The following ABCA5 variants were observed in gnomAD, a reference collection of about 807,000 sequenced individuals.
ABCA5 encodes cholesterol transporter ABCA5.
In ABCA5, 163 loss-of-function variants were observed where a neutral mutation model predicts 206.0. The ratio of observed to expected loss-of-function variants is 0.79; its 90% CI spans 0.70 to 0.90. The LOEUF (loss-of-function observed/expected upper bound fraction) is 0.90, where lower values mean the gene tolerates loss of function less well. Among genes scored for constraint, ABCA5 ranks in the 40% least tolerant of loss-of-function variants. ABCA5 has a pLI of 0.00. For missense variants in ABCA5, 1,859 were observed against 1,912.9 expected, an observed-to-expected ratio of 0.97 and a Z score of 0.53; for synonymous variants, 609 against 613.8, an observed-to-expected ratio of 0.99 and a Z score of 0.11.
At chr17:69,322,472 T>A (rs945075179) in intron 1 of ABCA5, among the ~76,000 whole-genome samples, 1 of 150,590 alleles carries the variant, frequency 6.6e-6, no homozygotes, top group African/African-American at 2.4e-5. Context: ...TTAGAAATAA[T>A]TGTTAGAGAA....
chr17:69,316,662 T>A (rs1598209514), intron 1 of ABCA5, among the ~76,000 whole-genome samples: 1 of 145,956 alleles, frequency 6.9e-6, no homozygotes, highest in South Asian at 2.1e-4. Context: ...TATAAACACA[T>A]AAGTTTCAAG....
At chr17:69,248,217 A>G (rs1244681635) in intron 38 of ABCA5, 45 bp downstream of exon 38, 2 of 1,152,002 alleles carry the variant, frequency 1.7e-6, no homozygotes, top group African/African-American at 3.1e-5. Flanking sequence ...GATATCAGAT[A>G]CTTTCTTCTA....
intron 1 of ABCA5, chr17:69,318,960 T>C: frequency 1.7e-6 from 1 of 572,424 alleles, no homozygotes; most frequent in East Asian, 3.4e-5. Flanking sequence ...TTGGAACAAG[T>C]ATAAATAATG....
intron 3 of ABCA5, among the ~76,000 whole-genome samples, chr17:69,312,729 C>T (rs986278708): frequency 1.3e-5 from 2 of 152,062 alleles, no homozygotes; most frequent in Non-Finnish European, 2.9e-5. Flanking sequence ...GGACTACAGG[C>T]ACATGCTACC....
Position 69,313,256 on chromosome 17 carries a change from A to G in ABCA5, c.143T>C (p.Leu48Ser). The change falls in exon 3 of 39, where the codon TTA becomes TCA. Residue 48 changes from leucine (L) to serine (S), a missense_variant. Physicochemically the swap from Leu to Ser is moderately radical, Grantham distance 145. Coordinates refer to ENST00000392676, the MANE Select transcript of ABCA5 (RefSeq NM_172232.4). ...FPLFFLFWLILISMMHPNKKY... is the reference protein window; with the variant it reads ...FPLFFLFWLISISMMHPNKKY... Reference sequence around the variant, plus strand: ...CTTATTTGGATGCATCATGCTAATTAATATTAACCAAAATAAAAAAAATAG... The same window carrying G: ...CTTATTTGGATGCATCATGCTAATTGATATTAACCAAAATAAAAAAAATAG... 1 of 1,467,270 alleles carries G rather than the reference A, an allele frequency of 6.8e-7. No individual in the cohort carries two copies. The highest frequency in any genetic ancestry group is 9.4e-7 in the Non-Finnish European group (1 of 1,062,024). The allele number at this position is 1,467,270 out of a possible 1,614,324, so 90.9% of individuals were successfully genotyped here. A position where few individuals can be genotyped will look rare whatever the true frequency, so the allele number is the denominator to read the frequency against.
chr17:69,252,844 A>G (rs1221986648), intron 34 of ABCA5, among the ~76,000 whole-genome samples: 1 of 152,014 alleles, frequency 6.6e-6, no homozygotes, highest in Non-Finnish European at 1.5e-5. Flanking sequence ...CTCAAAAAAA[A>G]AAAAAAAAAA....
chr17:69,291,087 T>C, intron 12 of ABCA5, 129 bp downstream of exon 12: 1 of 497,022 alleles, frequency 2.0e-6, no homozygotes, highest in African/African-American at 2.0e-5. Context: ...CAACCACATG[T>C]GTATAATCAA....
intron 2 of ABCA5, among the ~76,000 whole-genome samples, chr17:69,313,729 A>G (rs2075791155): frequency 6.6e-6 from 1 of 152,164 alleles, no homozygotes; most frequent in Non-Finnish European, 1.5e-5. Context: ...AATGTATACT[A>G]CCAAAACCAT....
intron 22 of ABCA5, 65 bp from the exon 23 acceptor site, chr17:69,268,121 A>G: frequency 1.8e-6 from 1 of 547,042 alleles, no homozygotes. Flanking sequence ...GATATATCTT[A>G]GGATATATCT....
intron 11 of ABCA5, among the ~76,000 whole-genome samples, chr17:69,293,324 T>C (rs866291122): frequency 1.1e-4 from 16 of 152,136 alleles, no homozygotes; most frequent in Admixed American, 6.5e-4. Context: ...AGTTGCCATC[T>C]TGGGTCCAAA....
intron 6 of ABCA5, among the ~76,000 whole-genome samples, chr17:69,306,013 A>AGCCC: frequency 6.6e-6 from 1 of 152,260 alleles, no homozygotes; most frequent in East Asian, 1.9e-4. Context: ...AAAATTTTGT[A>AGCCC]AAACAGACTA....
rs1379782779 is a variant in ABCA5 at position 69,327,101 on chromosome 17, T to A, written c.-65A>T. 6.6e-6 allele frequency: 1 copy of A among 152,500 alleles called. No individual in the cohort carries two copies. Among genetic ancestry groups the A allele is most frequent in the African/African-American group, 2.4e-5 (1 of 41,436 alleles). The allele number at this position is 152,500 out of a possible 1,614,324, so 9.4% of individuals were successfully genotyped here. A position where few individuals can be genotyped will look rare whatever the true frequency, so the allele number is the denominator to read the frequency against. The stretch of plus-strand genomic sequence containing the variant: ...TCAGGCCTGGACGCGCTCAGTCTGT[T>A]GACTCAGTGCGGGTGACCCAGCTGG... On this transcript the variant is annotated 5_prime_UTR_variant, in exon 1 of 39. Transcript: ENST00000392676.
intron 9 of ABCA5, 136 bp downstream of exon 9, chr17:69,301,003 T>C (rs1343633616): frequency 1.4e-6 from 1 of 693,220 alleles, no homozygotes; most frequent in African/African-American, 1.9e-5. Flanking sequence ...TTATTTAAAG[T>C]CAAATTAAAA....
intron 23 of ABCA5, among the ~76,000 whole-genome samples, chr17:69,266,124 A>G (rs2075205157): frequency 6.6e-6 from 1 of 152,218 alleles, no homozygotes; most frequent in African/African-American, 2.4e-5. Flanking sequence ...AAATACAAAT[A>G]GGATGAACTT....
rs373340614 is a variant in ABCA5 at position 69,277,642 on chromosome 17, C to T, written c.2593G>A (p.Val865Met). ...TATAAGGGTGATAATTATACTTACA[C>T]TGATCTCACTGATTTACTTTCACGT... ...LKRESKSVRS[V>M]LLLLLIFFTV... Residue 865 changes from valine (V) to methionine (M), a missense_variant and splice_region_variant, in exon 19 of 39, where the codon GTG becomes ATG. By Grantham distance (21) the Val-to-Met change is conservative. Coordinates refer to ENST00000392676, the MANE Select transcript of ABCA5 (RefSeq NM_172232.4). 460 of 1,607,400 alleles carry T rather than the reference C, an allele frequency of 2.9e-4. 3 individuals are homozygous for T. In the South Asian group the frequency reaches 4.8e-3, roughly 17 times the overall value.
intron 20 of ABCA5, 91 bp from the exon 21 acceptor site, chr17:69,271,380 T>A: frequency 7.4e-7 from 1 of 1,356,668 alleles, no homozygotes; most frequent in Non-Finnish European, 9.9e-7. Context: ...TAGAGAAATA[T>A]TTTATTTTCA....
At chr17:69,259,161 T>G (rs1032748430) in intron 28 of ABCA5, among the ~76,000 whole-genome samples, 2 of 152,044 alleles carry the variant, frequency 1.3e-5, no homozygotes, top group Admixed American at 6.6e-5. Flanking sequence ...AATAGCTGAA[T>G]TCATAGCAGC....
rs2075726249 is a variant in ABCA5 at position 69,307,104 on chromosome 17, C to T, written c.559-150G>A. 8 of 411,206 alleles carry T rather than the reference C, an allele frequency of 1.9e-5. No individual in the cohort carries two copies. The South Asian group carries it at 8.0e-4, about 41-fold the overall frequency. The allele number at this position is 411,206 out of a possible 1,614,324, so 25.5% of individuals were successfully genotyped here. ...CCATACCTGAAATAAAGTGAGTGAC[C>T]CCAATATCATAATTCTGAGTAGAAT... On this transcript the variant is annotated intron_variant, in intron 5 of 38. Coordinates refer to ENST00000392676, the MANE Select transcript of ABCA5 (RefSeq NM_172232.4).
intron 11 of ABCA5, among the ~76,000 whole-genome samples, chr17:69,293,870 G>GTGTA (rs1474059550): frequency 4.5e-5 from 4 of 89,132 alleles, no homozygotes; most frequent in Admixed American, 1.9e-4. Flanking sequence ...GTGTGTGTGT[G>GTGTA]TGCGTGTGTG....
Sources: allele counts gnomAD v4.1 joint callset (sites outside exome capture counted in the v4.1 genomes callset), GRCh38; gene constraint gnomAD v4.1.1; transcripts MANE v1.5; gene names NCBI Gene and HGNC (gene_info 2026-07-23, HGNC 2026-07-21).